The following RNLS variants were observed in gnomAD, a reference collection of about 807,000 sequenced individuals.
The protein encoded by RNLS is renalase, FAD dependent amine oxidase, also known as renalase.
A neutral mutation model predicts 39.8 loss-of-function variants in RNLS; 39 were observed. The observed-to-expected ratio is 0.98, with a 90% CI of 0.76 to 1.28. The LOEUF (loss-of-function observed/expected upper bound fraction) is 1.28, where lower values mean the gene tolerates loss of function less well. Ranked by LOEUF, RNLS falls within the 50% of genes most tolerant of loss-of-function variation. The probability of loss-of-function intolerance (pLI) is 0.00; values close to 1 mark genes in which losing one functional copy is unlikely to be tolerated. For missense variants in RNLS, 410 were observed against 413.3 expected (o/e 0.99, Z 0.07); for synonymous variants, 147 against 150.7 (o/e 0.98, Z 0.18).
chr10:88,416,758 G>A (rs1156615005), intron 4 of RNLS, among the ~76,000 whole-genome samples: 3 of 152,000 alleles, frequency 2.0e-5, no homozygotes, highest in Non-Finnish European at 4.4e-5. Flanking sequence ...CCATCCTATT[G>A]AAAACTGGAT....
chr10:88,477,481 T>G (rs957031285), intron 4 of RNLS, among the ~76,000 whole-genome samples: 2 of 152,048 alleles, frequency 1.3e-5, no homozygotes, highest in African/African-American at 4.8e-5. Context: ...GGGAAGAGGA[T>G]GATGGTGACA....
chr10:88,271,656 G>A (rs180971549), downstream of RNLS, among the ~76,000 whole-genome samples: 5 of 152,216 alleles, frequency 3.3e-5, no homozygotes, highest in East Asian at 3.9e-4. Flanking sequence ...GTCTTATGTG[G>A]GTTTGTTCAC....
intron 6 of RNLS, among the ~76,000 whole-genome samples, chr10:88,300,893 C>G (rs1170536466): frequency 1.3e-5 from 2 of 152,134 alleles, no homozygotes; most frequent in Non-Finnish European, 2.9e-5. Flanking sequence ...TAGATTTACT[C>G]TTTATGGGAA....
intron 4 of RNLS, among the ~76,000 whole-genome samples, chr10:88,491,186 C>A (rs1844858178): frequency 6.6e-6 from 1 of 152,152 alleles, no homozygotes; most frequent in Admixed American, 6.6e-5. Context: ...ATATTTAGCA[C>A]CTCACACTCT....
chr10:88,325,440 A>T (rs1161022958), intron 5 of RNLS, among the ~76,000 whole-genome samples: 1 of 152,216 alleles, frequency 6.6e-6, no homozygotes, highest in African/African-American at 2.4e-5. Context: ...CCCCAGCAGT[A>T]GCAGCAGCAT....
At chr10:88,524,299 G>T (rs1261053478) in intron 4 of RNLS, among the ~76,000 whole-genome samples, 2 of 151,936 alleles carry the variant, frequency 1.3e-5, no homozygotes, top group Non-Finnish European at 1.5e-5. Flanking sequence ...ACGTTAAAAA[G>T]GTTTTCATTT....
the RNLS span, among the ~76,000 whole-genome samples, chr10:88,174,150 A>G: frequency 1.3e-5 from 2 of 152,006 alleles, no homozygotes; most frequent in African/African-American, 4.8e-5. Context: ...TTTTTGGTGG[A>G]GTCTTTAGAA....
At chr10:88,367,074 A>C (rs969506528) in intron 4 of RNLS, among the ~76,000 whole-genome samples, 1 of 151,950 alleles carries the variant, frequency 6.6e-6, no homozygotes, top group African/African-American at 2.4e-5. Context: ...TAAATATATA[A>C]TATATATAAT....
intron 4 of RNLS, among the ~76,000 whole-genome samples, chr10:88,396,202 A>C (rs933036790): frequency 1.3e-5 from 2 of 152,198 alleles, no homozygotes; most frequent in Middle Eastern, 3.4e-3. Context: ...AGAAAGCACA[A>C]ATTTCTTTCT....
the RNLS span, among the ~76,000 whole-genome samples, chr10:88,182,816 T>C: frequency 3.3e-5 from 5 of 152,076 alleles, no homozygotes; most frequent in Non-Finnish European, 7.4e-5. Flanking sequence ...TGTTTTAAAT[T>C]GGGACTCTAG....
chr10:88,194,500 G>A, the RNLS span, among the ~76,000 whole-genome samples: 1 of 152,196 alleles, frequency 6.6e-6, no homozygotes, highest in Non-Finnish European at 1.5e-5. Context: ...AATATAGCCA[G>A]GGAGAGGCAA....
At chr10:88,201,763 A>G in the RNLS span, among the ~76,000 whole-genome samples, 2 of 152,070 alleles carry the variant, frequency 1.3e-5, no homozygotes, top group Non-Finnish European at 2.9e-5. Flanking sequence ...CAACTTTTCA[A>G]TTTCTAAAGT....
At chr10:88,344,172 G>A (rs1848158817) in intron 5 of RNLS, among the ~76,000 whole-genome samples, 1 of 152,194 alleles carries the variant, frequency 6.6e-6, no homozygotes, top group South Asian at 2.1e-4. Context: ...CTTTATCACT[G>A]CAGTTGCATA....
At chr10:88,536,122 T>C (rs1486809926) in intron 4 of RNLS, among the ~76,000 whole-genome samples, 1 of 152,198 alleles carries the variant, frequency 6.6e-6, no homozygotes, top group African/African-American at 2.4e-5. Context: ...ATTTCACTTC[T>C]CTGAGCCTGT....
intron 4 of RNLS, among the ~76,000 whole-genome samples, chr10:88,485,152 G>T (rs893617136): frequency 6.6e-6 from 1 of 151,860 alleles, no homozygotes; most frequent in African/African-American, 2.4e-5. Flanking sequence ...AAAGAACCTA[G>T]AATTGAAAAA....
rs367718389 is a variant in RNLS, at chr10:88,581,594, T to C, written c.340A>G (p.Ile114Val). Residue 114 changes from isoleucine to valine, a missense_variant, in exon 3 of 7, where the codon ATT (isoleucine) becomes GTT (valine). Coordinates refer to ENST00000331772, the MANE Select transcript of RNLS (RefSeq NM_001031709.3). ...GATTCTTTCAAGTAATGCTTAATAA[T>C]TGAAGAAATTCCTTGAGGTGCCACA... ...NFVAPQGISS[I>V]IKHYLKESGA... 1.7e-5 allele frequency: 27 copies of C among 1,601,958 alleles called. No individual in the cohort carries two copies. The highest frequency in any genetic ancestry group is 1.7e-4 in the Middle Eastern group (1 of 6,042).
the RNLS span, among the ~76,000 whole-genome samples, chr10:88,243,349 G>A: frequency 6.6e-6 from 1 of 152,186 alleles, no homozygotes; most frequent in Non-Finnish European, 1.5e-5. Context: ...ACAATACTCT[G>A]TGCTAACCCA....
chr10:88,174,137 G>T, the RNLS span, among the ~76,000 whole-genome samples: 1 of 151,938 alleles, frequency 6.6e-6, no homozygotes, highest in Non-Finnish European at 1.5e-5. Flanking sequence ...AGTTTTAAAA[G>T]GTTTTTTGGT....
intron 5 of RNLS, among the ~76,000 whole-genome samples, chr10:88,358,172 A>G (rs901916768): frequency 7.2e-5 from 11 of 152,338 alleles, no homozygotes; most frequent in Middle Eastern, 3.4e-3. Flanking sequence ...ACCTTATTTT[A>G]ACATAAATTT....
Sources: allele counts gnomAD v4.1 joint callset (sites outside exome capture counted in the v4.1 genomes callset), GRCh38; gene constraint gnomAD v4.1.1; transcripts MANE v1.5; gene names NCBI Gene and HGNC (gene_info 2026-07-23, HGNC 2026-07-21).